The following ANKS1B variants were observed in gnomAD, a reference collection of about 807,000 sequenced individuals.
ANKS1B encodes the protein ankyrin repeat and sterile alpha motif domain-containing protein 1B.
Under a neutral mutation model 148.3 loss-of-function variants are expected in ANKS1B, and 36 were observed. The observed-to-expected ratio is 0.24, with a 90% confidence interval of 0.19 to 0.32. The LOEUF (loss-of-function observed/expected upper bound fraction) is 0.32, where lower values mean the gene tolerates loss of function less well. Ranked by LOEUF, ANKS1B falls within the 10% of genes least tolerant of loss-of-function variation. The pLI is 1.00. For missense variants in ANKS1B, 1,157 were observed against 1,542.6 expected (o/e 0.75, Z 4.19); for synonymous variants, 542 against 560.8 (o/e 0.97, Z 0.47).
intron 9 of ANKS1B, among the ~76,000 whole-genome samples, chr12:99,634,362 T>C (rs1044139498): frequency 5.3e-5 from 8 of 152,108 alleles, no homozygotes; most frequent in Non-Finnish European, 1.2e-4. Context: ...CTTGGGTCTC[T>C]ACAGAGTTCT....
intron 12 of ANKS1B, among the ~76,000 whole-genome samples, chr12:99,257,516 C>T (rs1362719894): frequency 2.0e-5 from 3 of 151,920 alleles, no homozygotes; most frequent in Non-Finnish European, 4.4e-5. Flanking sequence ...TTCAAATTTT[C>T]CTACTATTAT....
At chr12:99,203,552 G>A (rs187850547) in intron 14 of ANKS1B, among the ~76,000 whole-genome samples, 3 of 151,722 alleles carry the variant, frequency 2.0e-5, no homozygotes, top group South Asian at 2.1e-4. Context: ...CCGGGTGCAC[G>A]CCATTCTCCT....
intron 15 of ANKS1B, among the ~76,000 whole-genome samples, chr12:99,133,663 C>T (rs890418824): frequency 3.3e-5 from 5 of 152,306 alleles, no homozygotes; most frequent in African/African-American, 9.6e-5. Context: ...TCACTTCCTT[C>T]AGAAGTCCAA....
chr12:99,840,119 A>G (rs1315558611), intron 1 of ANKS1B, among the ~76,000 whole-genome samples: 6 of 152,190 alleles, frequency 3.9e-5, no homozygotes, highest in Non-Finnish European at 5.9e-5. Context: ...ATACAAATGA[A>G]TATATAAATA....
chr12:98,956,168 T>C (rs2099861856), intron 17 of ANKS1B, among the ~76,000 whole-genome samples: 1 of 152,218 alleles, frequency 6.6e-6, no homozygotes. Flanking sequence ...ACTAGGCATG[T>C]AAGCTGGCAG....
intron 10 of ANKS1B, among the ~76,000 whole-genome samples, chr12:99,502,413 A>G (rs886516012): frequency 1.3e-5 from 2 of 152,158 alleles, no homozygotes; most frequent in Non-Finnish European, 2.9e-5. Flanking sequence ...TGAAGTTTAC[A>G]CTATTCTATT....
chr12:99,531,669 T>A (rs1042502995), intron 9 of ANKS1B, among the ~76,000 whole-genome samples: 9 of 152,202 alleles, frequency 5.9e-5, no homozygotes, highest in African/African-American at 2.2e-4. Context: ...GCAATTAACA[T>A]ATGAGTACAA....
At chr12:98,869,917 TA>T (rs2099644593) in intron 17 of ANKS1B, among the ~76,000 whole-genome samples, 1 of 152,032 alleles carries the variant, frequency 6.6e-6, no homozygotes, top group South Asian at 2.1e-4. Context: ...ACATGAAGAG[TA>T]CATGATGGAA....
intron 9 of ANKS1B, among the ~76,000 whole-genome samples, chr12:99,617,574 TG>T (rs2097983879): frequency 6.6e-6 from 1 of 151,830 alleles, no homozygotes; most frequent in Non-Finnish European, 1.5e-5. Context: ...CACTCATAAA[TG>T]GGAGTTGAAC....
At chr12:99,589,912 T>C (rs2097682390) in intron 9 of ANKS1B, among the ~76,000 whole-genome samples, 1 of 152,154 alleles carries the variant, frequency 6.6e-6, no homozygotes, top group Admixed American at 6.5e-5. Flanking sequence ...TATATCTTTG[T>C]ATTAAAATAT....
intron 1 of ANKS1B, among the ~76,000 whole-genome samples, chr12:99,957,516 G>A (rs543509287): frequency 6.6e-6 from 1 of 152,242 alleles, no homozygotes; most frequent in Admixed American, 6.5e-5. Context: ...TTGTTTTAAA[G>A]TGGCTTTTCC....
At chr12:99,637,845 G>GGA (rs376108557) in intron 9 of ANKS1B, among the ~76,000 whole-genome samples, 5 of 145,996 alleles carry the variant, frequency 3.4e-5, no homozygotes, top group Admixed American at 6.9e-5. Context: ...ACACATACAC[G>GGA]GAGAGAGAGA....
At chr12:99,148,829 C>A (rs564230859) in intron 15 of ANKS1B, among the ~76,000 whole-genome samples, 2 of 152,156 alleles carry the variant, frequency 1.3e-5, no homozygotes, top group South Asian at 2.1e-4. Context: ...TAAATGCCGG[C>A]AGTTGAAAAG....
chr12:99,458,513 G>A (rs1014511920), intron 10 of ANKS1B, among the ~76,000 whole-genome samples: 4 of 150,770 alleles, frequency 2.7e-5, no homozygotes, highest in African/African-American at 9.7e-5. Flanking sequence ...TAGACCATTA[G>A]CGAGACTAAC....
chr12:99,013,873 C>G (rs2153419201), intron 17 of ANKS1B, among the ~76,000 whole-genome samples: 2 of 152,054 alleles, frequency 1.3e-5, no homozygotes, highest in South Asian at 4.2e-4. Context: ...AGAGATGATA[C>G]AAACAAAGGG....
chr12:99,353,076 G>T (rs564762163), intron 12 of ANKS1B, among the ~76,000 whole-genome samples: 55 of 152,000 alleles, frequency 3.6e-4, no homozygotes, highest in African/African-American at 1.3e-3. Flanking sequence ...CCCAAGCCCC[G>T]GTTACCCTTC....
chr12:99,154,637 T>A, intron 14 of ANKS1B: 1 of 1,446,344 alleles, frequency 6.9e-7, no homozygotes, highest in South Asian at 1.5e-5. Flanking sequence ...TCTTACATAT[T>A]AATCTTTACT....
At chr12:99,942,221 A>G (rs1364670122) in intron 1 of ANKS1B, among the ~76,000 whole-genome samples, 1 of 152,176 alleles carries the variant, frequency 6.6e-6, no homozygotes, top group Non-Finnish European at 1.5e-5. Flanking sequence ...ATCAGAGGCA[A>G]AAGGATCATC....
intron 3 of ANKS1B, 131 bp downstream of exon 3, chr12:99,812,024 T>TCTC (rs2068435444): frequency 8.8e-7 from 1 of 1,135,930 alleles, no homozygotes; most frequent in East Asian, 2.5e-5. Context: ...TTTTCAAATT[T>TCTC]CTCCTTTTAG....
Sources: gnomAD v4.1 joint callset for allele counts (sites outside exome capture counted in the v4.1 genomes callset) on GRCh38, gnomAD v4.1.1 for gene constraint, MANE v1.5 for transcripts, NCBI Gene and HGNC (gene_info 2026-07-23, HGNC 2026-07-21) for gene names.